The following KAZN variants were observed in gnomAD, a reference collection of about 807,000 sequenced individuals.
The protein encoded by KAZN is kazrin, periplakin interacting protein.
A neutral mutation model predicts 87.4 loss-of-function variants in KAZN; 40 were observed. That is an observed-to-expected ratio of 0.46 (90% CI 0.36 to 0.60). The LOEUF (loss-of-function observed/expected upper bound fraction) is 0.60. Ranked by LOEUF, KAZN falls within the 20% of genes least tolerant of loss-of-function variation. KAZN has a pLI of 0.00. For synonymous variants in KAZN, 466 were observed against 458.3 expected, an observed-to-expected ratio of 1.02 and a Z score of -0.22; for missense variants, 898 against 1,073.9, an observed-to-expected ratio of 0.84 and a Z score of 2.29.
At chr1:14,707,554 C>A (rs1297123997) in intron 1 of KAZN, among the ~76,000 whole-genome samples, 1 of 152,148 alleles carries the variant, frequency 6.6e-6, no homozygotes, top group Non-Finnish European at 1.5e-5. Context: ...TCTTTATTTC[C>A]TTTCATTTCC....
intron 2 of KAZN, among the ~76,000 whole-genome samples, chr1:14,989,055 G>A (rs1005492085): frequency 6.6e-6 from 1 of 152,222 alleles, no homozygotes; most frequent in African/African-American, 2.4e-5. Flanking sequence ...TCATGGTTCT[G>A]TCTTGACATC....
intron 2 of KAZN, among the ~76,000 whole-genome samples, chr1:14,413,605 A>AG (rs963301464): frequency 6.7e-6 from 1 of 149,958 alleles, no homozygotes; most frequent in African/African-American, 2.5e-5. Context: ...AAAAAAAAAA[A>AG]AAAAAAAAAA....
intron 2 of KAZN, among the ~76,000 whole-genome samples, chr1:15,001,920 G>T (rs369516064): frequency 8.7e-6 from 1 of 115,422 alleles, no homozygotes; most frequent in South Asian, 3.0e-4. Flanking sequence ...TCGCTCTGTC[G>T]CCCAGGCTGG....
chr1:13,994,882 AC>A (rs1639437176), intron 1 of KAZN, among the ~76,000 whole-genome samples: 1 of 151,968 alleles, frequency 6.6e-6, no homozygotes, highest in Admixed American at 6.6e-5. Flanking sequence ...AAACAAACAA[AC>A]AAACAAACAA....
chr1:14,731,893 G>A (rs192445686), intron 1 of KAZN, among the ~76,000 whole-genome samples: 204 of 152,326 alleles, frequency 1.3e-3, no homozygotes, highest in South Asian at 3.3e-3. Context: ...GGAGCGTTCC[G>A]TGAGATCACA....
chr1:14,322,813 T>C (rs1046281998), intron 2 of KAZN, among the ~76,000 whole-genome samples: 1 of 152,134 alleles, frequency 6.6e-6, no homozygotes, highest in African/African-American at 2.4e-5. Context: ...GCATAGCAAA[T>C]AGCAAAATCC....
chr1:13,981,274 G>C (rs1638694544), intron 1 of KAZN, among the ~76,000 whole-genome samples: 1 of 146,658 alleles, frequency 6.8e-6, no homozygotes, highest in African/African-American at 2.5e-5. Context: ...AAATTATAAT[G>C]CTTAATGATT....
chr1:14,684,060 G>T (rs1475960817), intron 1 of KAZN, among the ~76,000 whole-genome samples: 1 of 152,112 alleles, frequency 6.6e-6, no homozygotes, highest in South Asian at 2.1e-4. Context: ...CTTGGGCTTG[G>T]GCTGTCTACG....
chr1:14,549,781 C>T (rs1394344130), intron 2 of KAZN, among the ~76,000 whole-genome samples: 1 of 151,542 alleles, frequency 6.6e-6, no homozygotes, highest in Non-Finnish European at 1.5e-5. Context: ...AGGCACAAGG[C>T]CTGTATCCTG....
At chr1:14,822,880 T>C (rs1646776048) in intron 1 of KAZN, among the ~76,000 whole-genome samples, 1 of 152,130 alleles carries the variant, frequency 6.6e-6, no homozygotes, top group Non-Finnish European at 1.5e-5. Flanking sequence ...GTCTCTTTCT[T>C]AGGAGCCCTC....
intron 2 of KAZN, among the ~76,000 whole-genome samples, chr1:15,007,082 AAC>A (rs1669103294): frequency 4.1e-5 from 6 of 146,066 alleles, no homozygotes; most frequent in South Asian, 2.2e-4. Flanking sequence ...AAAAAAGAAA[AAC>A]AGAAAATTCC....
chr1:14,659,973 A>G (rs529911468), intron 1 of KAZN, among the ~76,000 whole-genome samples: 2 of 152,136 alleles, frequency 1.3e-5, no homozygotes, highest in Non-Finnish European at 2.9e-5. Flanking sequence ...TTCTTTCCCA[A>G]CTGAAGGGAT....
chr1:14,296,716 A>G (rs1487990910), intron 2 of KAZN, among the ~76,000 whole-genome samples: 2 of 146,298 alleles, frequency 1.4e-5, no homozygotes, highest in African/African-American at 5.2e-5. Flanking sequence ...GCTTACTGCA[A>G]CCTCTGCCTC....
intron 2 of KAZN, among the ~76,000 whole-genome samples, chr1:14,276,139 G>A (rs1469107467): frequency 1.3e-5 from 2 of 150,632 alleles, no homozygotes; most frequent in African/African-American, 2.5e-5. Flanking sequence ...CACATTCATG[G>A]AGCATAGTGT....
rs1671068226 is a variant in KAZN at position 14,514,074 on chromosome 1, A to G, written c.250-84909A>G. On this transcript the variant is annotated intron_variant, in intron 2 of 16. Coordinates refer to the KAZN transcript ENST00000636203. ...GGTGGCTCACGTCTGTAATCCCAGC[A>G]CTTTGGGAGGCCGAGGCAGGTGGAT... is the stretch of plus-strand genomic sequence containing the variant. 2.0e-5 allele frequency among the ~76,000 whole-genome samples: 3 copies of G among 150,598 alleles called. No individual in the cohort carries two copies. The South Asian group carries it at 6.3e-4, about 32-fold the overall frequency.
intron 1 of KAZN, among the ~76,000 whole-genome samples, chr1:14,750,109 G>A (rs895727492): frequency 4.6e-5 from 7 of 152,038 alleles, no homozygotes; most frequent in Non-Finnish European, 7.4e-5. Flanking sequence ...TGTAAGATGC[G>A]GCCATTGTGA....
intron 1 of KAZN, among the ~76,000 whole-genome samples, chr1:14,691,485 T>C (rs140108387): frequency 3.7e-4 from 57 of 152,278 alleles, no homozygotes; most frequent in African/African-American, 1.4e-3. Flanking sequence ...GTCTTCATCT[T>C]TTTTTGTTTG....
chr1:15,001,884 T>G (rs1183644436), intron 2 of KAZN, among the ~76,000 whole-genome samples: 1 of 140,838 alleles, frequency 7.1e-6, no homozygotes, highest in African/African-American at 2.7e-5. Flanking sequence ...TTTTTTTTTT[T>G]TTTTTTTTTT....
At chr1:15,086,007 G>C (rs185387552) in intron 8 of KAZN, among the ~76,000 whole-genome samples, 4 of 152,126 alleles carry the variant, frequency 2.6e-5, no homozygotes, top group African/African-American at 4.8e-5. Flanking sequence ...GTTTTGCTCT[G>C]TTGCCCAGGC....
Sources: allele counts gnomAD v4.1 joint callset (sites outside exome capture counted in the v4.1 genomes callset), GRCh38; gene constraint gnomAD v4.1.1; transcripts MANE v1.5; gene names NCBI Gene and HGNC (gene_info 2026-07-23, HGNC 2026-07-21).